DACH1: variants seen among roughly 807,000 people sequenced by gnomAD.
DACH1 encodes dachshund homolog 1.
DACH1 carries 12 observed loss-of-function variants against 54.2 expected under a neutral mutation model. The ratio of observed to expected loss-of-function variants is 0.22; its 90% CI spans 0.14 to 0.36. The LOEUF (loss-of-function observed/expected upper bound fraction) is 0.36. Ranked by LOEUF, DACH1 falls within the 10% of genes least tolerant of loss-of-function variation. The pLI is 1.00. For synonymous variants in DACH1, 386 were observed against 366.2 expected (o/e 1.05, Z -0.62); for missense variants, 805 against 929.8 (o/e 0.87, Z 1.75).
At chr13:71,804,824 C>G (rs1887430522) in intron 1 of DACH1, among the ~76,000 whole-genome samples, 3 of 152,122 alleles carry the variant, frequency 2.0e-5, no homozygotes, top group Admixed American at 2.0e-4. Context: ...TATCTAAAAT[C>G]TTTTTCAACA....
intron 1 of DACH1, among the ~76,000 whole-genome samples, chr13:71,849,708 G>A (rs926545382): frequency 6.6e-6 from 1 of 152,156 alleles, no homozygotes; most frequent in East Asian, 1.9e-4. Context: ...GTGCACACAT[G>A]TAGAGGCCAC....
intron 1 of DACH1, among the ~76,000 whole-genome samples, chr13:71,702,124 G>A (rs974610036): frequency 4.6e-5 from 7 of 151,930 alleles, no homozygotes; most frequent in East Asian, 1.9e-4. Flanking sequence ...TAAAAGTTAC[G>A]CAAGTCACAA....
chr13:71,713,445 T>C (rs1165089538), intron 1 of DACH1, among the ~76,000 whole-genome samples: 1 of 152,152 alleles, frequency 6.6e-6, no homozygotes. Flanking sequence ...CAAAGTTTAT[T>C]TGCAGATAAG....
chr13:71,843,703 C>T (rs1873036049), intron 1 of DACH1, among the ~76,000 whole-genome samples: 1 of 152,120 alleles, frequency 6.6e-6, no homozygotes, highest in Non-Finnish European at 1.5e-5. Context: ...GTTTATTAAA[C>T]ACATACAAGG....
intron 4 of DACH1, among the ~76,000 whole-genome samples, chr13:71,569,482 C>T (rs1885076470): frequency 1.3e-5 from 2 of 151,654 alleles, no homozygotes; most frequent in South Asian, 2.1e-4. Flanking sequence ...TTATTTTTTT[C>T]CAACCACTTA....
rs146783407 is a variant in DACH1 at position 71,545,874 on chromosome 13, A to T, written c.1570+11150T>A. ...TTCATTAACATAAGGGAAGATAATT[A>T]TCTATTAAATTTTCTACATCCAAGA... On this transcript the variant is annotated intron_variant, in intron 6 of 10. Coordinates refer to ENST00000613252, the MANE Select transcript of DACH1 (RefSeq NM_080759.6). Among the ~76,000 whole-genome samples, 775 of 152,204 alleles carry T rather than the reference A, an allele frequency of 5.1e-3. 6 individuals carry two copies. The highest frequency in any genetic ancestry group is 0.028 in the East Asian group (143 of 5,172).
chr13:71,748,896 TTCTC>T (rs10587621), intron 1 of DACH1, among the ~76,000 whole-genome samples: 3 of 64,946 alleles, frequency 4.6e-5, no homozygotes, highest in African/African-American at 1.4e-4. Flanking sequence ...CTTTCTTTCT[TTCTC>T]TTTCTTTCTT....
intron 1 of DACH1, among the ~76,000 whole-genome samples, chr13:71,784,631 A>G (rs2138076079): frequency 6.6e-6 from 1 of 152,220 alleles, no homozygotes; most frequent in East Asian, 1.9e-4. Context: ...AAATTCTCTT[A>G]GAAGTCCACT....
chr13:71,675,132 A>G, intron 2 of DACH1: 1 of 1,584,272 alleles, frequency 6.3e-7, no homozygotes, highest in Non-Finnish European at 8.7e-7. Flanking sequence ...AACTGGCTAC[A>G]AAAGCCGCTC....
At chr13:71,748,866 CTT>C (rs748491488) in intron 1 of DACH1, among the ~76,000 whole-genome samples, 1 of 30,510 alleles carries the variant, frequency 3.3e-5, no homozygotes, top group Admixed American at 4.5e-4. Flanking sequence ...TTCTTTCTTT[CTT>C]TCTTTCTTTC....
In DACH1 at chr13:71,866,761, C is replaced by A; in HGVS notation, c.9G>T (p.Val3=). Residue 3 remains valine, a synonymous_variant, in exon 1 of 11, where the codon GTG becomes GTT. Coordinates refer to ENST00000613252, the MANE Select transcript of DACH1 (RefSeq NM_080759.6). ...GGGTCGGAGGGATCAAAGCCGCCGG[C>A]ACTGCCATGGTCACATATAAGGGGA... The part of the protein sequence containing the change: MA[V]PAALIPPTQL... The A allele has an allele frequency of 7.3e-7, 1 of 1,372,622 alleles. No homozygotes were observed. The highest frequency in any genetic ancestry group is 9.5e-7 in the Non-Finnish European group (1 of 1,054,736). The allele number at this position is 1,372,622 out of a possible 1,614,324, so 85.0% of individuals were successfully genotyped here.
intron 1 of DACH1, among the ~76,000 whole-genome samples, chr13:71,720,523 G>A (rs575403430): frequency 7.9e-5 from 12 of 152,102 alleles, no homozygotes; most frequent in Non-Finnish European, 1.3e-4. Flanking sequence ...AAATTAAAAT[G>A]TAATATAAAT....
chr13:71,479,364 A>C (rs1473839312), intron 7 of DACH1, 48 bp from the exon 8 acceptor site: 1 of 1,563,914 alleles, frequency 6.4e-7, no homozygotes, highest in African/African-American at 1.4e-5. Flanking sequence ...TACAAAGCAA[A>C]TTTCGTTCAT....
chr13:71,844,005 A>G (rs1344977207), intron 1 of DACH1, among the ~76,000 whole-genome samples: 3 of 152,230 alleles, frequency 2.0e-5, no homozygotes, highest in Admixed American at 6.5e-5. Context: ...GGACAAAGCC[A>G]GCCCATTAAG....
At chr13:71,499,369 A>G (rs1227218879) in intron 6 of DACH1, among the ~76,000 whole-genome samples, 3 of 152,182 alleles carry the variant, frequency 2.0e-5, no homozygotes, top group Non-Finnish European at 2.9e-5. Context: ...AGACACGGTT[A>G]TATTTCCTAG....
chr13:71,740,318 CA>C (rs149898670), intron 1 of DACH1, among the ~76,000 whole-genome samples: 1,746 of 148,304 alleles, frequency 0.012, 23 homozygotes, highest in African/African-American at 0.028. Flanking sequence ...TAAAACAAAA[CA>C]AAAAAAAAAT....
chr13:71,748,971 TC>T, intron 1 of DACH1, among the ~76,000 whole-genome samples: 1 of 138,696 alleles, frequency 7.2e-6, no homozygotes, highest in African/African-American at 2.6e-5. Context: ...TTTCTCTCTC[TC>T]TCTTTCTTCT....
chr13:71,460,816 A>G (rs950621910), intron 10 of DACH1, among the ~76,000 whole-genome samples: 1 of 152,032 alleles, frequency 6.6e-6, no homozygotes, highest in Non-Finnish European at 1.5e-5. Flanking sequence ...ACTGCTGGTA[A>G]CCCTTGGAAA....
At chr13:71,508,455 T>A (rs963774282) in intron 6 of DACH1, among the ~76,000 whole-genome samples, 3 of 151,960 alleles carry the variant, frequency 2.0e-5, no homozygotes, top group Non-Finnish European at 2.9e-5. Context: ...ACAGTGAATG[T>A]GGTAAAAATT....
Sources: gnomAD v4.1 joint callset for allele counts (sites outside exome capture counted in the v4.1 genomes callset) on GRCh38, gnomAD v4.1.1 for gene constraint, MANE v1.5 for transcripts, NCBI Gene and HGNC (gene_info 2026-07-23, HGNC 2026-07-21) for gene names.